The following HIVEP3 variants were observed in gnomAD, a reference collection of about 807,000 sequenced individuals.
The protein encoded by HIVEP3 is HIVEP zinc finger 3.
HIVEP3 carries 49 observed loss-of-function variants against 152.8 expected under a neutral mutation model. The ratio of observed to expected loss-of-function variants is 0.32; its 90% CI spans 0.26 to 0.41. The LOEUF (loss-of-function observed/expected upper bound fraction) is 0.41. Ranked by LOEUF, HIVEP3 falls within the 10% of genes least tolerant of loss-of-function variation. The pLI is 1.00. For synonymous variants in HIVEP3, 1,269 were observed against 1,289.0 expected (o/e 0.98, Z 0.33); for missense variants, 2,790 against 3,103.3 (o/e 0.90, Z 2.40).
At chr1:41,703,576 C>T (rs1325865919) in intron 1 of HIVEP3, among the ~76,000 whole-genome samples, 1 of 152,078 alleles carries the variant, frequency 6.6e-6, no homozygotes, top group Non-Finnish European at 1.5e-5. Flanking sequence ...TGATCCAATC[C>T]GTGTACAATC....
chr1:41,848,794 G>A (rs1418856251), intron 1 of HIVEP3: 2 of 152,600 alleles, frequency 1.3e-5, no homozygotes, highest in Non-Finnish European at 2.9e-5. Flanking sequence ...GGCCCTGTAG[G>A]AGCCATCCCA....
At chr1:41,560,315 T>G (rs1644039888) in intron 5 of HIVEP3, among the ~76,000 whole-genome samples, 1 of 152,268 alleles carries the variant, frequency 6.6e-6, no homozygotes, top group African/African-American at 2.4e-5. Flanking sequence ...AACCCAGGTG[T>G]GCTGTTGTCA....
intron 8 of HIVEP3, among the ~76,000 whole-genome samples, chr1:41,512,429 G>A (rs1264975251): frequency 2.6e-5 from 4 of 152,162 alleles, no homozygotes; most frequent in East Asian, 1.9e-4. Flanking sequence ...CCCAGAAGCC[G>A]AGCAGATGCT....
Position 42,033,062 on chromosome 1 carries a change from T to G in HIVEP3, n.119+2745A>C, listed in dbSNP as rs144162262. Among the ~76,000 whole-genome samples the G allele has an allele frequency of 3.3e-3, 509 of 152,208 alleles. 3 individuals carry two copies. The highest frequency in any genetic ancestry group is 0.012 in the African/African-American group (491 of 41,522). On this transcript the variant is annotated intron_variant and non_coding_transcript_variant, in intron 1 of 3. Coordinates refer to the HIVEP3 transcript ENST00000489103. ...GCACTGAGTGGGACAGGTGCCCGCA[T>G]GCAGAGGGATTTATCCACTGGATAC...
chr1:41,800,456 G>A (rs1650237154), intron 1 of HIVEP3, among the ~76,000 whole-genome samples: 1 of 152,234 alleles, frequency 6.6e-6, no homozygotes, highest in South Asian at 2.1e-4. Context: ...GCCAAGAGCT[G>A]GCACCAGGCC....
chr1:41,999,907 T>G (rs1645417267), intron 1 of HIVEP3, among the ~76,000 whole-genome samples: 1 of 152,104 alleles, frequency 6.6e-6, no homozygotes, highest in East Asian at 1.9e-4. Flanking sequence ...TTCAAACTTT[T>G]ATTATGAGGC....
At chr1:41,526,393 C>T (rs1248418190) in intron 5 of HIVEP3, among the ~76,000 whole-genome samples, 13 of 144,472 alleles carry the variant, frequency 9.0e-5, no homozygotes, top group Non-Finnish European at 1.7e-4. Context: ...CTCACACTCA[C>T]ACATGCCCAC....
chr1:41,847,370 T>C (rs369862532), intron 1 of HIVEP3: 1 of 152,212 alleles, frequency 6.6e-6, no homozygotes, highest in African/African-American at 2.4e-5. Flanking sequence ...TCATATAAGA[T>C]ATTAAGTGCC....
chr1:41,538,932 G>A (rs1274550923), intron 5 of HIVEP3, among the ~76,000 whole-genome samples: 3 of 152,156 alleles, frequency 2.0e-5, no homozygotes, highest in Non-Finnish European at 4.4e-5. Context: ...GATTCATGGG[G>A]CATGGGGGTG....
intron 1 of HIVEP3, among the ~76,000 whole-genome samples, chr1:41,906,183 C>T (rs1326563687): frequency 6.6e-6 from 1 of 152,114 alleles, no homozygotes; most frequent in Non-Finnish European, 1.5e-5. Context: ...GTGGCATGCA[C>T]CTGTAGTCCC....
chr1:41,859,573 C>G (rs1030606362), intron 1 of HIVEP3, among the ~76,000 whole-genome samples: 1 of 152,170 alleles, frequency 6.6e-6, no homozygotes, highest in Non-Finnish European at 1.5e-5. Context: ...CACTGGCCAC[C>G]TAGAGCATCT....
intron 3 of HIVEP3, among the ~76,000 whole-genome samples, chr1:41,619,701 G>A (rs114622411): frequency 0.015 from 2,285 of 152,274 alleles, 69 homozygotes; most frequent in African/African-American, 0.052. Context: ...AGGCTCAGCA[G>A]AGGGAGAGCC....
chr1:41,646,638 A>G (rs983556157), intron 2 of HIVEP3, among the ~76,000 whole-genome samples: 2 of 152,194 alleles, frequency 1.3e-5, no homozygotes, highest in African/African-American at 4.8e-5. Context: ...CAAAGCTCAG[A>G]TGGAGATAAA....
At chr1:41,791,993 G>A (rs898584600) in intron 1 of HIVEP3, among the ~76,000 whole-genome samples, 9 of 152,032 alleles carry the variant, frequency 5.9e-5, no homozygotes, top group South Asian at 2.1e-4. Context: ...CACCTCCTCC[G>A]TGAAGCCTTT....
intron 1 of HIVEP3, among the ~76,000 whole-genome samples, chr1:41,732,509 G>A (rs1646856946): frequency 6.6e-6 from 1 of 152,114 alleles, no homozygotes; most frequent in Non-Finnish European, 1.5e-5. Flanking sequence ...GGCCACTGGG[G>A]CTGGTACTAT....
At chr1:41,721,834 A>G (rs760173613) in intron 1 of HIVEP3, among the ~76,000 whole-genome samples, 9 of 152,206 alleles carry the variant, frequency 5.9e-5, no homozygotes, top group Non-Finnish European at 1.3e-4. Flanking sequence ...TCCTAACCCC[A>G]CACGGTGCTG....
chr1:41,959,290 T>C (rs1416222867), intron 1 of HIVEP3, among the ~76,000 whole-genome samples: 1 of 152,206 alleles, frequency 6.6e-6, no homozygotes, highest in African/African-American at 2.4e-5. Flanking sequence ...CAATATTTTA[T>C]CGTGATTAGA....
At chr1:41,637,156 A>C (rs1645287583) in intron 2 of HIVEP3, among the ~76,000 whole-genome samples, 1 of 152,054 alleles carries the variant, frequency 6.6e-6, no homozygotes, top group African/African-American at 2.4e-5. Flanking sequence ...TGCAGTGTGC[A>C]CACACATCAT....
chr1:41,733,519 C>T (rs1429111621), intron 1 of HIVEP3, among the ~76,000 whole-genome samples: 3 of 152,226 alleles, frequency 2.0e-5, no homozygotes, highest in African/African-American at 7.2e-5. Flanking sequence ...GAGCCGAGAC[C>T]CTCAAAGCTC....
Sources: gnomAD v4.1 joint callset for allele counts (sites outside exome capture counted in the v4.1 genomes callset) on GRCh38, gnomAD v4.1.1 for gene constraint, MANE v1.5 for transcripts, NCBI Gene and HGNC (gene_info 2026-07-23, HGNC 2026-07-21) for gene names.